Variants in FHIT observed in about 807,000 individuals in gnomAD.
FHIT encodes the protein bis(5'-adenosyl)-triphosphatase.
FHIT carries 19 observed loss-of-function variants against 17.9 expected under a neutral mutation model. The observed-to-expected ratio is 1.06, with a 90% confidence interval of 0.74 to 1.56. The LOEUF (loss-of-function observed/expected upper bound fraction) is 1.56, where lower values mean the gene tolerates loss of function less well. FHIT is among the 40% of genes most tolerant of loss of function. FHIT has a pLI of 0.00. For synonymous variants in FHIT, 81 were observed against 69.7 expected, an observed-to-expected ratio of 1.16 and a Z score of -0.81; for missense variants, 248 against 189.2, an observed-to-expected ratio of 1.31 and a Z score of -1.82.
chr3:60,355,861 T>G (rs1381414020), intron 5 of FHIT, among the ~76,000 whole-genome samples: 1 of 152,206 alleles, frequency 6.6e-6, no homozygotes, highest in Non-Finnish European at 1.5e-5. Flanking sequence ...GAGTAGGTAA[T>G]GACATAAATA....
At chr3:59,859,134 T>C (rs1041625832) in intron 8 of FHIT, among the ~76,000 whole-genome samples, 1 of 152,180 alleles carries the variant, frequency 6.6e-6, no homozygotes, top group Non-Finnish European at 1.5e-5. Flanking sequence ...AGCATCTTTT[T>C]TGTACCAGAA....
chr3:60,050,629 G>C (rs138211323), intron 5 of FHIT, among the ~76,000 whole-genome samples: 2 of 152,114 alleles, frequency 1.3e-5, no homozygotes, highest in South Asian at 4.1e-4. Context: ...GAATCCAGGC[G>C]CAGGATCCCC....
chr3:60,337,520 CATGTT>C (rs993782828), intron 5 of FHIT, among the ~76,000 whole-genome samples: 2 of 152,178 alleles, frequency 1.3e-5, no homozygotes, highest in African/African-American at 4.8e-5. Context: ...TTTTGAAATA[CATGTT>C]ATGTTTTGTC....
At chr3:60,137,614 T>C (rs1699868843) in intron 5 of FHIT, among the ~76,000 whole-genome samples, 2 of 152,150 alleles carry the variant, frequency 1.3e-5, no homozygotes, top group African/African-American at 4.8e-5. Context: ...GAGACAAAGC[T>C]TGTCAGGCAT....
chr3:60,376,455 T>G lies in FHIT; in HGVS notation c.103+160405A>C, dbSNP rs372754579. Among the ~76,000 whole-genome samples, 8 of 152,318 alleles carry G rather than the reference T, an allele frequency of 5.3e-5. 1 individual carries two copies. Among genetic ancestry groups the G allele is most frequent in the South Asian group, 2.1e-4 (1 of 4,824 alleles). ...TATAAAAATCAGTGGTAAAATGTGGTTGCCACAGATTTTTCATAAACACAA... is the reference window on the plus strand; with the variant it reads ...TATAAAAATCAGTGGTAAAATGTGGGTGCCACAGATTTTTCATAAACACAA... On this transcript the variant is annotated intron_variant, in intron 5 of 9. Coordinates refer to ENST00000492590, the MANE Select transcript of FHIT (RefSeq NM_002012.4).
intron 8 of FHIT, among the ~76,000 whole-genome samples, chr3:59,818,974 G>A (rs1700700053): frequency 6.6e-6 from 1 of 152,286 alleles, no homozygotes; most frequent in East Asian, 1.9e-4. Context: ...AGTAAAAATC[G>A]CAATGCAGAG....
chr3:60,568,444 C>A (rs971366058), intron 4 of FHIT, among the ~76,000 whole-genome samples: 1 of 150,722 alleles, frequency 6.6e-6, no homozygotes, highest in Non-Finnish European at 1.5e-5. Flanking sequence ...ACATCACACA[C>A]CAGGGCCTGT....
chr3:61,216,995 G>T (rs1374257921), intron 1 of FHIT, among the ~76,000 whole-genome samples: 1 of 150,506 alleles, frequency 6.6e-6, no homozygotes, highest in East Asian at 2.0e-4. Flanking sequence ...GGACTGTTGT[G>T]GGGTAGGGGG....
At chr3:60,637,110 C>T (rs1270997566) in intron 4 of FHIT, among the ~76,000 whole-genome samples, 1 of 151,972 alleles carries the variant, frequency 6.6e-6, no homozygotes, top group Non-Finnish European at 1.5e-5. Flanking sequence ...AAAGAATCCC[C>T]TTCATTAAAA....
intron 7 of FHIT, among the ~76,000 whole-genome samples, chr3:59,968,660 T>C (rs1402659498): frequency 2.0e-5 from 3 of 152,112 alleles, no homozygotes; most frequent in African/African-American, 7.2e-5. Context: ...TCAGCACTTT[T>C]AATCCATTAC....
chr3:60,162,811 T>C (rs1700998532), intron 5 of FHIT, among the ~76,000 whole-genome samples: 1 of 152,146 alleles, frequency 6.6e-6, no homozygotes, highest in Non-Finnish European at 1.5e-5. Context: ...AGTACATCAT[T>C]CCCCTATGGC....
chr3:60,650,505 G>C (rs2107805945), intron 4 of FHIT, among the ~76,000 whole-genome samples: 1 of 152,196 alleles, frequency 6.6e-6, no homozygotes, highest in South Asian at 2.1e-4. Context: ...CCCCCTTCTG[G>C]ACAATCTGAA....
At chr3:61,250,737 A>C (rs1376289655) in intron 1 of FHIT, among the ~76,000 whole-genome samples, 1 of 152,134 alleles carries the variant, frequency 6.6e-6, no homozygotes, top group Non-Finnish European at 1.5e-5. Flanking sequence ...AAGTGTAAGA[A>C]AGTCCGACCA....
At chr3:60,525,316 C>T (rs2035531073) in intron 5 of FHIT, among the ~76,000 whole-genome samples, 1 of 152,102 alleles carries the variant, frequency 6.6e-6, no homozygotes, top group Non-Finnish European at 1.5e-5. Flanking sequence ...TCTACCTAAC[C>T]ATCCTGTTTT....
chr3:60,633,638 T>C (rs2039504033), intron 4 of FHIT, among the ~76,000 whole-genome samples: 1 of 152,184 alleles, frequency 6.6e-6, no homozygotes, highest in Non-Finnish European at 1.5e-5. Context: ...ACTGTGTCTG[T>C]CATCACTTGG....
intron 5 of FHIT, among the ~76,000 whole-genome samples, chr3:60,507,820 C>T (rs1388347183): frequency 6.6e-6 from 1 of 152,164 alleles, no homozygotes. Context: ...CAATGGCCTC[C>T]AGCTCCATCC....
chr3:60,078,808 TGA>T (rs973939880), intron 5 of FHIT, among the ~76,000 whole-genome samples: 16 of 151,858 alleles, frequency 1.1e-4, no homozygotes, highest in Non-Finnish European at 2.2e-4. Flanking sequence ...CATATATAGG[TGA>T]GAGAGAGAAA....
intron 2 of FHIT, among the ~76,000 whole-genome samples, chr3:61,052,798 G>A (rs773550785): frequency 6.6e-6 from 1 of 152,070 alleles, no homozygotes; most frequent in African/African-American, 2.4e-5. Flanking sequence ...AAGGTTCCAA[G>A]ATCCCTCCAC....
chr3:60,049,132 G>A (rs116362699), intron 5 of FHIT, among the ~76,000 whole-genome samples: 13 of 152,136 alleles, frequency 8.5e-5, no homozygotes, highest in Admixed American at 1.3e-4. Flanking sequence ...GTACTTTAAC[G>A]CATAGCTGTG....
Sources: allele counts gnomAD v4.1 joint callset (sites outside exome capture counted in the v4.1 genomes callset), GRCh38; gene constraint gnomAD v4.1.1; transcripts MANE v1.5; gene names NCBI Gene and HGNC (gene_info 2026-07-23, HGNC 2026-07-21).